DGKH: variants seen among roughly 807,000 people sequenced by gnomAD.
DGKH encodes the protein DAG kinase eta.
In DGKH, 90 loss-of-function variants were observed where a neutral mutation model predicts 159.3. The ratio of observed to expected loss-of-function variants is 0.57; its 90% CI spans 0.48 to 0.67. DGKH has a LOEUF of 0.67. DGKH is among the 30% of genes least tolerant of loss of function. DGKH has a pLI of 0.00. For synonymous variants in DGKH, 536 were observed against 553.8 expected (o/e 0.97, Z 0.45); for missense variants, 1,181 against 1,506.1 (o/e 0.78, Z 3.57).
chr13:42,121,602 T>C (rs1279139426), intron 1 of DGKH, among the ~76,000 whole-genome samples: 3 of 152,218 alleles, frequency 2.0e-5, no homozygotes, highest in African/African-American at 7.2e-5. Flanking sequence ...TCAGTTGAGA[T>C]TGACCTCCTA....
Position 42,215,608 on chromosome 13 carries a change from A to G in DGKH, c.3154A>G (p.Ile1052Val). 1.2e-6 allele frequency: 2 copies of G among 1,611,498 alleles called. No homozygotes were observed. The highest frequency in any genetic ancestry group is 1.3e-5 in the African/African-American group (1 of 75,002). The change falls in exon 26 of 30, where the codon ATC (isoleucine) becomes GTC (valine). Residue 1052 changes from isoleucine (I) to valine (V), a missense_variant. Ile to Val is a conservative substitution (Grantham distance 29). Around this residue, in one of 5 missense-constraint regions of DGKH, gnomAD observed 335 missense variants for 495.2 expected, o/e 0.68. Coordinates refer to ENST00000337343, the MANE Select transcript of DGKH (RefSeq NM_178009.5). ...AAGAGACACTGCCACTGAAATAGCC[A>G]TCAATGTGAAGGCGCTGTATAATGA... is the stretch of plus-strand genomic sequence containing the variant. ...LTRDTATEIA[I>V]NVKALYNETE...
chr13:42,252,401 T>C (rs1958626979), intron 29 of DGKH: 1 of 152,122 alleles, frequency 6.6e-6, no homozygotes, highest in Non-Finnish European at 1.5e-5. Flanking sequence ...TTTATTCTAT[T>C]TTTTTAGAGG....
Position 42,050,687 on chromosome 13 carries a change from T to TA in DGKH, c.192+1733dup, listed in dbSNP as rs34418087. 6.0e-3 allele frequency among the ~76,000 whole-genome samples: 888 copies of TA among 148,658 alleles called. 11 individuals are homozygous for TA. The highest frequency in any genetic ancestry group is 0.02 in the African/African-American group (815 of 40,714). On this transcript the variant is annotated intron_variant, in intron 1 of 29. Coordinates refer to ENST00000337343, the MANE Select transcript of DGKH (RefSeq NM_178009.5). ...TGTTAATGATGGGCAAAATGGCAGG[T>TA]AAAAAAAAAAATTGTATAGGGGCCG...
At chr13:42,047,369 G>A (rs1407676321), upstream of DGKH, among the ~76,000 whole-genome samples, 2 of 152,124 alleles carry the variant, frequency 1.3e-5, no homozygotes, top group African/African-American at 4.8e-5. Flanking sequence ...GAACCTTAAA[G>A]GTCATGTCAA....
intron 1 of DGKH, among the ~76,000 whole-genome samples, chr13:42,104,088 A>G (rs1354068913): frequency 6.6e-6 from 1 of 152,202 alleles, no homozygotes; most frequent in South Asian, 2.1e-4. Flanking sequence ...TGCCTCTAAT[A>G]TAGCTTAAAT....
At chr13:42,244,812 G>A (rs868008441), downstream of DGKH, among the ~76,000 whole-genome samples, 1,186 of 144,394 alleles carry the variant, frequency 8.2e-3, 14 homozygotes, top group African/African-American at 0.028. Context: ...GCTGAGGCAG[G>A]AGAATGGCGT....
intron 13 of DGKH, among the ~76,000 whole-genome samples, chr13:42,179,554 C>T (rs532460731): frequency 1.3e-5 from 2 of 152,246 alleles, no homozygotes; most frequent in Admixed American, 1.3e-4. Context: ...GGGCAGATTA[C>T]TTGAAGCCCA....
chr13:42,057,408 G>A (rs909502209), intron 1 of DGKH, among the ~76,000 whole-genome samples: 2 of 152,106 alleles, frequency 1.3e-5, no homozygotes, highest in Non-Finnish European at 2.9e-5. Context: ...GAGCAGGCAC[G>A]GTGATTTGAG....
chr13:42,124,510 T>C (rs1252865583), intron 1 of DGKH, among the ~76,000 whole-genome samples: 4 of 152,194 alleles, frequency 2.6e-5, no homozygotes, highest in Admixed American at 2.6e-4. Flanking sequence ...TTCCATGTTA[T>C]GAAATATTGC....
chr13:42,094,777 G>C (rs151137286), intron 1 of DGKH, among the ~76,000 whole-genome samples: 1 of 152,252 alleles, frequency 6.6e-6, no homozygotes, highest in Admixed American at 6.5e-5. Flanking sequence ...GTCTCAAAAA[G>C]AGTGCAAATT....
chr13:42,096,602 A>T (rs1220798925), intron 1 of DGKH, among the ~76,000 whole-genome samples: 2 of 152,218 alleles, frequency 1.3e-5, no homozygotes, highest in African/African-American at 4.8e-5. Context: ...GTCACTCCAG[A>T]CTTGCCTGTT....
intron 29 of DGKH, among the ~76,000 whole-genome samples, chr13:42,223,700 G>T (rs1256016008): frequency 6.6e-6 from 1 of 152,000 alleles, no homozygotes; most frequent in African/African-American, 2.4e-5. Context: ...GGCAGAGGTT[G>T]CAGTGAGCCG....
chr13:42,069,313 C>G, intron 1 of DGKH: 1 of 1,172,662 alleles, frequency 8.5e-7, no homozygotes, highest in Non-Finnish European at 1.2e-6. Context: ...AACTGGCTGT[C>G]CCAAGAAGAT....
At chr13:42,047,053 A>G (rs1880837496), upstream of DGKH, among the ~76,000 whole-genome samples, 1 of 152,238 alleles carries the variant, frequency 6.6e-6, no homozygotes, top group Admixed American at 6.5e-5. Context: ...AAAGAATTAC[A>G]TATTTGTAGA....
Position 42,129,601 on chromosome 13 carries a change from C to T in DGKH, c.353C>T (p.Ala118Val). The change falls in exon 3 of 30, where the codon GCA (alanine) becomes GTA (valine). Residue 118 changes from alanine to valine, a missense_variant. Coordinates refer to ENST00000337343, the MANE Select transcript of DGKH (RefSeq NM_178009.5). ...CTCTCAGATGCTAGTGTAGCTGAAG[C>T]AAGCACGAAAAATGCTAACAACAGC... Reference protein sequence around the residue: ...VDLSDASVAEASTKNANNSFT... With the variant: ...VDLSDASVAEVSTKNANNSFT... 1 of 1,612,802 alleles carries T rather than the reference C, an allele frequency of 6.2e-7. No individual in the cohort carries two copies. The highest frequency in any genetic ancestry group is 8.5e-7 in the Non-Finnish European group (1 of 1,179,426).
chr13:42,225,912 T>C (rs1353052920), intron 29 of DGKH, among the ~76,000 whole-genome samples: 1 of 151,578 alleles, frequency 6.6e-6, no homozygotes, highest in East Asian at 1.9e-4. Context: ...AACTAAAACG[T>C]CAAAAGCAAT....
Position 42,197,710 on chromosome 13 carries a change from T to TA in DGKH, c.2168-759dup, listed in dbSNP as rs1271785301. Among the ~76,000 whole-genome samples, 18 of 151,320 alleles carry TA rather than the reference T, an allele frequency of 1.2e-4. No individual in the cohort carries two copies. The East Asian group carries it at 1.9e-3, about 16-fold the overall frequency. ...TAGGTGAGAGAGTGAGACTCATCTC[T>TA]AAAAAAAAATAAAATAAAAAGAAAG... On this transcript the variant is annotated intron_variant, in intron 17 of 29. Transcript: ENST00000337343.
At chr13:42,108,324 A>G (rs1954799520) in intron 1 of DGKH, among the ~76,000 whole-genome samples, 1 of 152,184 alleles carries the variant, frequency 6.6e-6, no homozygotes, top group Non-Finnish European at 1.5e-5. Flanking sequence ...AATAAATTTA[A>G]GGGTGAGGGA....
chr13:42,057,433 G>A (rs1881846060), intron 1 of DGKH, among the ~76,000 whole-genome samples: 2 of 152,068 alleles, frequency 1.3e-5, no homozygotes, highest in African/African-American at 2.4e-5. Context: ...ATTGTTCCTC[G>A]ACACTCTTGT....
Sources: allele counts gnomAD v4.1 joint callset (sites outside exome capture counted in the v4.1 genomes callset), GRCh38; gene constraint gnomAD v4.1.1; regional missense constraint gnomAD v4.1.1; transcripts MANE v1.5; gene names NCBI Gene and HGNC (gene_info 2026-07-23, HGNC 2026-07-21).